RPN2: variants seen among roughly 807,000 people sequenced by gnomAD.
The protein encoded by RPN2 is dolichyl-diphosphooligosaccharide--protein glycosyltransferase subunit 2.
A neutral mutation model predicts 71.4 loss-of-function variants in RPN2; 29 were observed. The observed-to-expected ratio is 0.41, with a 90% CI of 0.30 to 0.55. RPN2 has a LOEUF of 0.55. Ranked by LOEUF, RPN2 falls within the 20% of genes least tolerant of loss-of-function variation. The pLI is 0.35. For missense variants in RPN2, 726 were observed against 774.1 expected, an observed-to-expected ratio of 0.94 and a Z score of 0.74; for synonymous variants, 308 against 305.0, an observed-to-expected ratio of 1.01 and a Z score of -0.10.
intron 14 of RPN2, among the ~76,000 whole-genome samples, chr20:37,232,898 T>TGAAAAAGGCAAGGGGTAGGGTA (rs1460956790): frequency 1.3e-5 from 2 of 152,170 alleles, no homozygotes; most frequent in Non-Finnish European, 1.5e-5. Flanking sequence ...TAGGGTAGTG[T>TGAAAAAGGCAAGGGGTAGGGTA]GTTTAGTATG....
intron 8 of RPN2, among the ~76,000 whole-genome samples, chr20:37,210,635 A>G (rs1338887244): frequency 1.3e-5 from 2 of 149,888 alleles, no homozygotes; most frequent in Non-Finnish European, 2.9e-5. Flanking sequence ...GATTCTAGCG[A>G]TTCTCCTGCC....
At chr20:37,213,661 G>GC in intron 8 of RPN2, 99 bp from the exon 9 acceptor site, 1 of 908,838 alleles carries the variant, frequency 1.1e-6, no homozygotes, top group Non-Finnish European at 1.8e-6. Flanking sequence ...GAGTTGGCTA[G>GC]CCTTGGACAG....
intron 2 of RPN2, among the ~76,000 whole-genome samples, chr20:37,190,439 A>G (rs1600743701): frequency 6.6e-6 from 1 of 152,304 alleles, no homozygotes; most frequent in Non-Finnish European, 1.5e-5. Context: ...CACCTGAGTC[A>G]CCTGTGCAGC....
At chr20:37,216,204 TG>T (rs1568985942) in intron 9 of RPN2, among the ~76,000 whole-genome samples, 1 of 151,976 alleles carries the variant, frequency 6.6e-6, no homozygotes, top group African/African-American at 2.4e-5. Context: ...CCAGGCGTGG[TG>T]GCACGTGCCT....
At chr20:37,200,050 A>G (rs539620420) in intron 4 of RPN2, among the ~76,000 whole-genome samples, 12 of 151,584 alleles carry the variant, frequency 7.9e-5, no homozygotes, top group African/African-American at 2.9e-4. Flanking sequence ...GCTAGAGTGC[A>G]GTGACGCGAT....
chr20:37,213,095 T>C (rs1346852796), intron 8 of RPN2, among the ~76,000 whole-genome samples: 1 of 152,178 alleles, frequency 6.6e-6, no homozygotes, highest in East Asian at 1.9e-4. Context: ...TTAGCCACAA[T>C]TATACTATCG....
At chr20:37,182,703 C>CT (rs1340489399) in intron 1 of RPN2, among the ~76,000 whole-genome samples, 2 of 152,088 alleles carry the variant, frequency 1.3e-5, no homozygotes, top group African/African-American at 4.8e-5. Context: ...CCAATAGTGC[C>CT]TTTTTTCAAG....
chr20:37,223,907 C>G lies in RPN2; in HGVS notation c.1122C>G (p.Gly374=). 1.2e-6 allele frequency: 2 copies of G among 1,614,120 alleles called. No individual in the cohort carries two copies. The highest frequency in any genetic ancestry group is 8.5e-7 in the Non-Finnish European group (1 of 1,179,968). ...GAGTCAAGATCTCCACTGAAGTTGG[C>G]ATCACAAATGTTGATCTTTCCACCG... ...ELRVKISTEV[G]ITNVDLSTVD... Residue 374 remains glycine (G), a synonymous_variant, in exon 10 of 17, where the codon GGC becomes GGG. Coordinates refer to ENST00000237530, the MANE Select transcript of RPN2 (RefSeq NM_002951.5).
chr20:37,183,593 C>T (rs576788972), intron 1 of RPN2, among the ~76,000 whole-genome samples: 1 of 152,284 alleles, frequency 6.6e-6, no homozygotes, highest in South Asian at 2.1e-4. Context: ...GAATAACTGC[C>T]AAGGGCACAT....
chr20:37,229,614 ATTTC>A (rs1190634297), intron 12 of RPN2, among the ~76,000 whole-genome samples: 3 of 152,078 alleles, frequency 2.0e-5, no homozygotes, highest in African/African-American at 7.2e-5. Flanking sequence ...GCGCATACTC[ATTTC>A]TTTCTCTCTT....
At chr20:37,231,776 C>T (rs1419279622) in intron 13 of RPN2, among the ~76,000 whole-genome samples, 1 of 151,634 alleles carries the variant, frequency 6.6e-6, no homozygotes, top group Non-Finnish European at 1.5e-5. Context: ...AGCCATGGCT[C>T]AGGGAGAGAG....
chr20:37,223,158 C>T (rs1384008017), intron 9 of RPN2, among the ~76,000 whole-genome samples: 1 of 152,216 alleles, frequency 6.6e-6, no homozygotes, highest in Non-Finnish European at 1.5e-5. Context: ...TTCACTTCTG[C>T]CCACATTTCA....
At position 37,232,027 on chromosome 20, in the gene RPN2, G is replaced by A. The variant is rs909870; in HGVS notation, c.1582-269G>A. ...TGATGGATTGCATTCTCTGGCCTCT[G>A]AATGGCAGTGAGTCTTTGAAGGGAA... is the stretch of plus-strand genomic sequence containing the variant. On this transcript the variant is annotated intron_variant, in intron 13 of 16. Coordinates refer to ENST00000237530, the MANE Select transcript of RPN2 (RefSeq NM_002951.5). Among the ~76,000 whole-genome samples, 126,592 of 152,106 alleles carry A rather than the reference G, an allele frequency of 0.83. 53,599 individuals are homozygous for A. The highest frequency in any genetic ancestry group is 0.96 in the African/African-American group (40,056 of 41,528).
At chr20:37,233,953 G>T in intron 14 of RPN2, 67 bp from the exon 15 acceptor site, 2 of 1,545,172 alleles carry the variant, frequency 1.3e-6, no homozygotes, top group Non-Finnish European at 1.8e-6. Context: ...ATTAGCATTG[G>T]CATGGCTTGT....
At position 37,217,283 on chromosome 20, in the gene RPN2, A is replaced by ATTG. The variant is rs1310762253; in HGVS notation, c.1092+3420_1092+3421insGTT. Among the ~76,000 whole-genome samples, 32 of 73,054 alleles carry ATTG rather than the reference A, an allele frequency of 4.4e-4. 1 individual carries two copies. The highest frequency in any genetic ancestry group is 4.5e-4 in the Admixed American group (3 of 6,634). 47.9% of individuals were successfully genotyped at this position (73,054 alleles called of 152,430 possible). On this transcript the variant is annotated intron_variant, in intron 9 of 16. Transcript: ENST00000237530. ...TGGGTGAAAACTAAATATTATTATT[A>ATTG]TTATTATTATTATTATTCTTTTTTT...
intron 6 of RPN2, among the ~76,000 whole-genome samples, chr20:37,205,710 G>T (rs748801805): frequency 1.2e-4 from 19 of 152,018 alleles, no homozygotes; most frequent in Non-Finnish European, 2.6e-4. Context: ...TCATGTGTTT[G>T]CATTCTTTTT....
intron 5 of RPN2, among the ~76,000 whole-genome samples, 191 bp downstream of exon 5, chr20:37,204,151 A>C (rs2067458947): frequency 6.6e-6 from 1 of 152,226 alleles, no homozygotes; most frequent in Non-Finnish European, 1.5e-5. Context: ...ATAGGTCCTC[A>C]GGACGTGGTG....
intron 10 of RPN2, 28 bp downstream of exon 10, chr20:37,223,997 G>C (rs780495871): frequency 5.0e-6 from 8 of 1,585,184 alleles, no homozygotes; most frequent in Non-Finnish European, 6.1e-6. Context: ...TGATCACTCA[G>C]GGAGCTGAGG....
intron 9 of RPN2, among the ~76,000 whole-genome samples, chr20:37,218,721 CTG>C (rs1335629741): frequency 2.6e-5 from 4 of 151,992 alleles, no homozygotes; most frequent in South Asian, 4.2e-4. Flanking sequence ...CTTTCTGTCT[CTG>C]TGGTTGCCTA....
Sources: allele counts gnomAD v4.1 joint callset (sites outside exome capture counted in the v4.1 genomes callset), GRCh38; gene constraint gnomAD v4.1.1; transcripts MANE v1.5; gene names NCBI Gene and HGNC (gene_info 2026-07-23, HGNC 2026-07-21).